The following N4BP1 variants were observed in gnomAD, a reference collection of about 807,000 sequenced individuals.
N4BP1 encodes NEDD4-binding protein 1.
A neutral mutation model predicts 70.9 loss-of-function variants in N4BP1; 21 were observed. That is an observed-to-expected ratio of 0.30 (90% CI 0.21 to 0.43). N4BP1 has a LOEUF of 0.43. N4BP1 is among the 20% of genes least tolerant of loss of function. The pLI is 1.00. For synonymous variants in N4BP1, 387 were observed against 394.6 expected (o/e 0.98, Z 0.23); for missense variants, 936 against 1,069.4 (o/e 0.88, Z 1.74).
In N4BP1 at chr16:48,610,121, C is replaced by G. The variant is rs1051326627; in HGVS notation, c.-149G>C. ...GCGCCCCGCCGCCCGCCCTCAGGCC[C>G]GGCTATACCATCCCGCCACGACCGC... On this transcript the variant is annotated 5_prime_UTR_variant, in exon 1 of 7. Coordinates refer to ENST00000262384, the MANE Select transcript of N4BP1 (RefSeq NM_153029.4). The G allele has an allele frequency of 3.9e-5, 9 of 228,732 alleles. No individual in the cohort carries two copies. The highest frequency in any genetic ancestry group is 6.5e-5 in the Admixed American group (1 of 15,456). The allele number at this position is 228,732 out of a possible 1,614,324, so 14.2% of individuals were successfully genotyped here. A position where few individuals can be genotyped will look rare whatever the true frequency, so the allele number is the denominator to read the frequency against.
chr16:48,603,928 C>T (rs1440582329), intron 1 of N4BP1, among the ~76,000 whole-genome samples: 1 of 152,154 alleles, frequency 6.6e-6, no homozygotes, highest in Non-Finnish European at 1.5e-5. Context: ...GAAATATTTC[C>T]TAAGCCCCAC....
chr16:48,553,765 CAGTA>C (rs1181741316), intron 2 of N4BP1, 96 bp from the exon 3 acceptor site: 18 of 1,045,318 alleles, frequency 1.7e-5, no homozygotes, highest in Non-Finnish European at 2.2e-5. Flanking sequence ...ATACAACAAA[CAGTA>C]AGAACAAAGT....
In N4BP1 at chr16:48,576,922, AG is replaced by A. The variant is rs533614706; in HGVS notation, c.199-14479del. ...ATCTTCACACTTTTATTTTAGAGACAGGGTTTTGCTCTGCTGACCAGGTTAG... is the reference window on the plus strand; with the variant it reads ...ATCTTCACACTTTTATTTTAGAGACAGGTTTTGCTCTGCTGACCAGGTTAG... On this transcript the variant is annotated intron_variant, in intron 1 of 6. Transcript: ENST00000262384. Among the ~76,000 whole-genome samples the A allele has an allele frequency of 2.3e-3, 353 of 152,316 alleles. 2 individuals are homozygous for A. The highest frequency in any genetic ancestry group is 8.2e-3 in the African/African-American group (340 of 41,568).
At chr16:48,607,272 T>C (rs1287194050) in intron 1 of N4BP1, among the ~76,000 whole-genome samples, 1 of 152,194 alleles carries the variant, frequency 6.6e-6, no homozygotes, top group Non-Finnish European at 1.5e-5. Flanking sequence ...CTCTTCTGCA[T>C]AGCAAAGGAG....
intron 1 of N4BP1, among the ~76,000 whole-genome samples, chr16:48,589,933 A>G (rs562766314): frequency 6.6e-6 from 1 of 152,266 alleles, no homozygotes; most frequent in African/African-American, 2.4e-5. Context: ...CTGAAACAAA[A>G]CTGGTAACAG....
chr16:48,602,032 G>A (rs1201563493), intron 1 of N4BP1, among the ~76,000 whole-genome samples: 1 of 152,146 alleles, frequency 6.6e-6, no homozygotes, highest in East Asian at 1.9e-4. Flanking sequence ...AGACCAGCCC[G>A]GCCAACATGG....
chr16:48,604,750 T>C (rs1964553670), intron 1 of N4BP1, among the ~76,000 whole-genome samples: 1 of 152,208 alleles, frequency 6.6e-6, no homozygotes, highest in African/African-American at 2.4e-5. Flanking sequence ...GAATTCGATG[T>C]GTATGATTTT....
chr16:48,541,550 C>T lies in N4BP1; in HGVS notation c.*1354G>A, dbSNP rs1478483818. ...CTGGGATGCCCCCAAGTCCCCTCAC[C>T]ATTTACAAACCAGCACTGAGTTCTC... On this transcript the variant is annotated 3_prime_UTR_variant, in exon 7 of 7. Coordinates refer to ENST00000262384, the MANE Select transcript of N4BP1 (RefSeq NM_153029.4). 2.0e-5 allele frequency: 3 copies of T among 152,360 alleles called. No individual in the cohort carries two copies. The highest frequency in any genetic ancestry group is 4.4e-5 in the Non-Finnish European group (3 of 68,200). 9.4% of individuals were successfully genotyped at this position (152,360 alleles called of 1,614,324 possible). A position where few individuals can be genotyped will look rare whatever the true frequency, so the allele number is the denominator to read the frequency against.
chr16:48,542,883 G>C lies in N4BP1; in HGVS notation c.*21C>G, dbSNP rs1465567790. The C allele has an allele frequency of 6.4e-7, 1 of 1,572,514 alleles. No individual in the cohort carries two copies. ...TTTGATCAGCCAGCCCTGAGCGCAA[G>C]CTCAGCGCTCAGCACAATCTTCAAT... is the stretch of plus-strand genomic sequence containing the variant. On this transcript the variant is annotated 3_prime_UTR_variant, in exon 7 of 7. Transcript: ENST00000262384.
In N4BP1 at chr16:48,591,322, C is replaced by T. The variant is rs192446945; in HGVS notation, c.198+18453G>A. On this transcript the variant is annotated intron_variant, in intron 1 of 6. Coordinates refer to ENST00000262384, the MANE Select transcript of N4BP1 (RefSeq NM_153029.4). ...CACCCCCACCCCAATGGCTAGCTTCCGATTTCCTGTCTTGAATTTTTCTTT... is the reference window on the plus strand; with the variant it reads ...CACCCCCACCCCAATGGCTAGCTTCTGATTTCCTGTCTTGAATTTTTCTTT... Among the ~76,000 whole-genome samples the T allele has an allele frequency of 1.4e-3, 206 of 152,016 alleles. 1 individual carries two copies. Among genetic ancestry groups the T allele is most frequent in the African/African-American group, 4.6e-3 (192 of 41,442 alleles).
At chr16:48,547,208 T>C (rs887227366) in intron 5 of N4BP1, among the ~76,000 whole-genome samples, 3 of 152,252 alleles carry the variant, frequency 2.0e-5, no homozygotes, top group Non-Finnish European at 4.4e-5. Context: ...ATTGCAAGTT[T>C]TACTATATAT....
At position 48,539,219 on chromosome 16, in the gene N4BP1, T is replaced by C. The variant is rs1963451075; in HGVS notation, c.*3685A>G. On this transcript the variant is annotated 3_prime_UTR_variant, in exon 7 of 7. Transcript: ENST00000262384. ...GCAGGAGGAGGGGTGACTAGAAGTA[T>C]GTTACTGGAAGGTAAATCTGGCCAC... The C allele has an allele frequency of 1.3e-5, 2 of 152,246 alleles. No homozygotes were observed. Among genetic ancestry groups the C allele is most frequent in the South Asian group, 2.1e-4 (1 of 4,816 alleles). The allele number at this position is 152,246 out of a possible 1,614,324, so 9.4% of individuals were successfully genotyped here.
intron 1 of N4BP1, among the ~76,000 whole-genome samples, chr16:48,571,184 C>T (rs542515162): frequency 2.4e-4 from 37 of 152,310 alleles, no homozygotes; most frequent in Non-Finnish European, 5.0e-4. Context: ...TAGATGAATT[C>T]ACATGGGTCA....
chr16:48,547,234 T>C (rs558784915), intron 5 of N4BP1, among the ~76,000 whole-genome samples: 45 of 152,352 alleles, frequency 3.0e-4, no homozygotes, highest in African/African-American at 8.7e-4. Flanking sequence ...ATACTTAGTG[T>C]GGGGCATGCT....
At chr16:48,600,075 G>A (rs1454270164) in intron 1 of N4BP1, 1 of 326,372 alleles carries the variant, frequency 3.1e-6, no homozygotes, top group Non-Finnish European at 5.6e-6. Context: ...AAAAATACCA[G>A]GGTCAAGAAT....
rs748639228 is a variant in N4BP1, at chr16:48,560,779, T to C, written c.1864A>G (p.Ile622Val). ...PGRTDLKHIV[I>V]DGSNVAITHG... ...GTAATTGCAACATTGCTCCCATCTA[T>C]AACAATGTGTTTCAAATCCGTTCTC... is the stretch of plus-strand genomic sequence containing the variant. The change falls in exon 2 of 7, where the codon ATA becomes GTA. Residue 622 changes from isoleucine to valine, a missense_variant. Around this residue, in one of 4 missense-constraint regions of N4BP1, gnomAD observed 229 missense variants for 343.5 expected, o/e 0.67. Transcript: ENST00000262384. The C allele has an allele frequency of 1.9e-6, 3 of 1,610,890 alleles. No homozygotes were observed. Among genetic ancestry groups the C allele is most frequent in the East Asian group, 2.2e-5 (1 of 44,874 alleles).
chr16:48,566,120 T>C (rs1963939967), intron 1 of N4BP1, among the ~76,000 whole-genome samples: 1 of 152,128 alleles, frequency 6.6e-6, no homozygotes, highest in Non-Finnish European at 1.5e-5. Flanking sequence ...TTCTGCTCTT[T>C]ATTATATTTT....
At chr16:48,569,498 C>T (rs550123984) in intron 1 of N4BP1, among the ~76,000 whole-genome samples, 1 of 152,248 alleles carries the variant, frequency 6.6e-6, no homozygotes, top group Admixed American at 6.5e-5. Context: ...TTCAAGTGAT[C>T]CACCCTCCTC....
chr16:48,546,184 G>A lies in N4BP1; in HGVS notation c.2296C>T (p.Arg766Ter). Residue 766 changes from arginine (R) to a stop codon, truncating the protein, a stop_gained, in exon 6 of 7, where the codon CGA becomes TGA. Coordinates refer to ENST00000262384, the MANE Select transcript of N4BP1 (RefSeq NM_153029.4). LOFTEE classifies it high-confidence loss of function. ...PDDPLGRSGP[R>*]LEEFLQKEVC... ...TCCTTCTGAAGAAACTCCTCTAATC[G>A]AGGTCCACTTCTTCCCAGAGGATCA... 1 of 1,612,678 alleles carries A rather than the reference G, an allele frequency of 6.2e-7. No homozygotes were observed.
Sources: gnomAD v4.1 joint callset for allele counts (sites outside exome capture counted in the v4.1 genomes callset) on GRCh38, gnomAD v4.1.1 for gene constraint, gnomAD v4.1.1 regional missense constraint, MANE v1.5 for transcripts, NCBI Gene and HGNC (gene_info 2026-07-23, HGNC 2026-07-21) for gene names.